Variants in PCDHGA6 observed in about 807,000 individuals in gnomAD.
PCDHGA6 encodes the protein protocadherin gamma-A6.
A neutral mutation model predicts 60.6 loss-of-function variants in PCDHGA6; 41 were observed. The observed-to-expected ratio is 0.68, with a 90% CI of 0.53 to 0.88. PCDHGA6 has a LOEUF of 0.88. Ranked by LOEUF, PCDHGA6 falls within the 40% of genes least tolerant of loss-of-function variation. The pLI, the probability that PCDHGA6 is intolerant of heterozygous loss-of-function variation, is 0.00. For missense variants in PCDHGA6, 1,312 were observed against 1,203.0 expected, an observed-to-expected ratio of 1.09 and a Z score of -1.34; for synonymous variants, 594 against 524.4, an observed-to-expected ratio of 1.13 and a Z score of -1.81.
rs750036800 is a variant in PCDHGA6, at chr5:141,419,495, G to A, written c.2424+42988G>A. On this transcript the variant is annotated intron_variant, in intron 1 of 3. Coordinates refer to ENST00000517434, the MANE Select transcript of PCDHGA6 (RefSeq NM_018919.3). ...GGGCTCGCCCGCGCTCAGCGCCAAT[G>A]TGAGCCTGCGCGTGTTGGTGGGCGA... The A allele has an allele frequency of 5.0e-6, 8 of 1,612,432 alleles. No individual in the cohort carries two copies. The Admixed American group carries it at 1.3e-4, about 27-fold the overall frequency.
At chr5:141,444,119 T>G (rs1236466434) in intron 1 of PCDHGA6, among the ~76,000 whole-genome samples, 4 of 146,736 alleles carry the variant, frequency 2.7e-5, no homozygotes, top group African/African-American at 1.0e-4. Context: ...AAGTGAAGTA[T>G]CTCAACAGAT....
At chr5:141,412,367 A>C (rs1055060515) in intron 1 of PCDHGA6, 3 of 152,264 alleles carry the variant, frequency 2.0e-5, no homozygotes, top group Admixed American at 6.5e-5. Flanking sequence ...TTACCTGCTT[A>C]ATCATTTAAA....
At position 141,487,025 on chromosome 5, in the gene PCDHGA6, C is replaced by T. The variant is rs769789352; in HGVS notation, c.2425-7782C>T. On this transcript the variant is annotated intron_variant, in intron 1 of 3. Transcript: ENST00000517434. This position sits in a 1 kb window ranked among gnomAD's most constrained non-coding sequence, Gnocchi z 5.0. ...GCTCCTGGAGGCCCCAGATCCCAGCCTGTTTGCAGTCTCTCGATATGCTGG... is the reference window on the plus strand; with the variant it reads ...GCTCCTGGAGGCCCCAGATCCCAGCTTGTTTGCAGTCTCTCGATATGCTGG... 1.9e-6 allele frequency: 3 copies of T among 1,614,216 alleles called. No homozygotes were observed. Among genetic ancestry groups the T allele is most frequent in the Non-Finnish European group, 2.5e-6 (3 of 1,180,050 alleles).
At chr5:141,380,168 G>T (rs1204513654) in intron 1 of PCDHGA6, among the ~76,000 whole-genome samples, 1 of 152,074 alleles carries the variant, frequency 6.6e-6, no homozygotes, top group Non-Finnish European at 1.5e-5. Flanking sequence ...TCAAAGGGCT[G>T]GGATTACAGG....
In PCDHGA6 at chr5:141,511,224, G is replaced by T. The variant is rs752401867; in HGVS notation, c.*51G>T. On this transcript the variant is annotated 3_prime_UTR_variant, in exon 4 of 4. Coordinates refer to ENST00000517434, the MANE Select transcript of PCDHGA6 (RefSeq NM_018919.3). ...GGGCGGCCTCTCCCCAACCAGCCCA[G>T]CTTCTCCTTACCTGCACCCAGGCCT... is the stretch of plus-strand genomic sequence containing the variant. 44 of 1,603,158 alleles carry T rather than the reference G, an allele frequency of 2.7e-5. No individual in the cohort carries two copies. Among genetic ancestry groups the T allele is most frequent in the Non-Finnish European group, 3.6e-5 (42 of 1,174,924 alleles).
In PCDHGA6 at chr5:141,493,930, A is replaced by G. The variant is rs547125826; in HGVS notation, c.2425-877A>G. Among the ~76,000 whole-genome samples the G allele has an allele frequency of 6.6e-6, 1 of 152,268 alleles. No homozygotes were observed. The highest frequency in any genetic ancestry group is 6.5e-5 in the Admixed American group (1 of 15,300). ...TGTGATGGGATAACACACCCCCTGG[A>G]AAGACCAGAAGGGACTCAGGAATGA... On this transcript the variant is annotated intron_variant, in intron 1 of 3. Transcript: ENST00000517434. This position sits in a 1 kb window ranked among gnomAD's most constrained non-coding sequence, Gnocchi z 4.3.
At chr5:141,478,234 G>C (rs762337749) in intron 1 of PCDHGA6, 21 of 1,614,082 alleles carry the variant, frequency 1.3e-5, no homozygotes, top group Non-Finnish European at 1.8e-5. Flanking sequence ...TGGGGTTTGT[G>C]GTCACAGTGT....
chr5:141,508,725 G>C (rs1447443196), intron 3 of PCDHGA6, among the ~76,000 whole-genome samples: 1 of 151,788 alleles, frequency 6.6e-6, no homozygotes, highest in Non-Finnish European at 1.5e-5. Flanking sequence ...TGTGCAGGGA[G>C]ACTACACCCC....
At chr5:141,395,032 T>C (rs1561652708) in intron 1 of PCDHGA6, 1 of 1,614,068 alleles carries the variant, frequency 6.2e-7, no homozygotes. Context: ...GCCTCACATT[T>C]TGTGGGTGTT....
At chr5:141,421,754 A>G (rs1230343518) in intron 1 of PCDHGA6, 4 of 1,613,918 alleles carry the variant, frequency 2.5e-6, no homozygotes, top group East Asian at 2.2e-5. Context: ...CTCAGCCCTA[A>G]TAATTACTTT....
chr5:141,463,388 C>T (rs1470533734), intron 1 of PCDHGA6, among the ~76,000 whole-genome samples: 1 of 150,092 alleles, frequency 6.7e-6, no homozygotes, highest in Non-Finnish European at 1.5e-5. Flanking sequence ...AAAGTTGTCT[C>T]CAGGCAAAAA....
In PCDHGA6 at chr5:141,375,967, G is replaced by T; in HGVS notation, c.1884G>T (p.Thr628=). 1.2e-6 allele frequency: 2 copies of T among 1,613,372 alleles called. No homozygotes were observed. The highest frequency in any genetic ancestry group is 2.2e-5 in the East Asian group (1 of 44,870). Residue 628 remains threonine, a synonymous_variant, in exon 1 of 4, where the codon ACG becomes ACT. Transcript: ENST00000517434. The part of the protein sequence containing the change: ...SVGLHTGEVR[T]ARALLDRDAL... ...GCCTGCACACGGGCGAGGTGCGCAC[G>T]GCGCGCGCCCTGCTGGACAGAGACG... is the stretch of plus-strand genomic sequence containing the variant.
rs553587727 is a variant in PCDHGA6, at chr5:141,419,523, G to A, written c.2424+43016G>A. The A allele has an allele frequency of 2.1e-4, 343 of 1,612,204 alleles. 3 individuals are homozygous for A. The South Asian group carries it at 3.5e-3, about 17-fold the overall frequency. ...AGCCTGCGCGTGTTGGTGGGCGACC[G>A]TAACGACAACGCACCGCGGGTGCTG... On this transcript the variant is annotated intron_variant, in intron 1 of 3. Coordinates refer to ENST00000517434, the MANE Select transcript of PCDHGA6 (RefSeq NM_018919.3).
chr5:141,487,258 G>A lies in PCDHGA6; in HGVS notation c.2425-7549G>A, dbSNP rs368598017. The A allele has an allele frequency of 3.7e-6, 6 of 1,614,026 alleles. No homozygotes were observed. Among genetic ancestry groups the A allele is most frequent in the Non-Finnish European group, 4.2e-6 (5 of 1,180,030 alleles). On this transcript the variant is annotated intron_variant, in intron 1 of 3. Transcript: ENST00000517434. The surrounding 1 kb of genome is among the most constrained non-coding windows in gnomAD (Gnocchi z 5.0). ...CTCGTCTAACCCTCTACTTGGCTGT[G>A]TCCCTAGTGGCAATTTGCTTTGTCT...
chr5:141,402,901 T>TG, intron 1 of PCDHGA6: 1 of 1,520,230 alleles, frequency 6.6e-7, no homozygotes, highest in Non-Finnish European at 8.8e-7. Context: ...AAGAACCTGA[T>TG]GAAGCAGCGC....
chr5:141,423,680 C>T (rs2096766182), intron 1 of PCDHGA6: 1 of 1,479,088 alleles, frequency 6.8e-7, no homozygotes, highest in African/African-American at 1.5e-5. Context: ...ATTTCTCTGC[C>T]TCCTAATTGT....
At position 141,489,559 on chromosome 5, in the gene PCDHGA6, C is replaced by A; in HGVS notation, c.2425-5248C>A. ...CAGCACCAGCTGCCTGCTGCCAGTG[C>A]AGGTGGTGACTGAACACCCCCTGGA... On this transcript the variant is annotated intron_variant, in intron 1 of 3. Coordinates refer to ENST00000517434, the MANE Select transcript of PCDHGA6 (RefSeq NM_018919.3). This position sits in a 1 kb window ranked among gnomAD's most constrained non-coding sequence, Gnocchi z 4.5. The A allele has an allele frequency of 6.2e-7, 1 of 1,614,078 alleles. No homozygotes were observed. The highest frequency in any genetic ancestry group is 8.5e-7 in the Non-Finnish European group (1 of 1,180,014).
At chr5:141,404,211 T>G in intron 1 of PCDHGA6, 1 of 1,613,724 alleles carries the variant, frequency 6.2e-7, no homozygotes, top group East Asian at 2.2e-5. Context: ...GAATATAATA[T>G]CACGGTGACT....
At chr5:141,414,118 G>C (rs559064215) in intron 1 of PCDHGA6, 1 of 1,592,490 alleles carries the variant, frequency 6.3e-7, no homozygotes, top group Admixed American at 1.8e-5. Flanking sequence ...AGATTATGAA[G>C]AAACCGGTTT....
Sources: allele counts gnomAD v4.1 joint callset (sites outside exome capture counted in the v4.1 genomes callset), GRCh38; gene constraint gnomAD v4.1.1; non-coding constraint Gnocchi (gnomAD v3.1); transcripts MANE v1.5; gene names NCBI Gene and HGNC (gene_info 2026-07-23, HGNC 2026-07-21).